The following ENTREP2 variants were observed in gnomAD, a reference collection of about 807,000 sequenced individuals.
ENTREP2 encodes protein ENTREP2.
the ENTREP2 span, among the ~76,000 whole-genome samples, chr15:29,660,311 T>C: frequency 6.6e-6 from 1 of 152,190 alleles, no homozygotes; most frequent in Non-Finnish European, 1.5e-5. Flanking sequence ...GGGCTCCTTT[T>C]TCTAACTGAA....
At chr15:29,342,647 A>G in the ENTREP2 span, among the ~76,000 whole-genome samples, 2 of 152,162 alleles carry the variant, frequency 1.3e-5, no homozygotes, top group Non-Finnish European at 2.9e-5. Flanking sequence ...GTGAAAGATT[A>G]TGTTCTCCAG....
the ENTREP2 span, among the ~76,000 whole-genome samples, chr15:29,346,937 G>A: frequency 6.6e-6 from 1 of 152,140 alleles, no homozygotes; most frequent in Non-Finnish European, 1.5e-5. Context: ...GGCATAAATT[G>A]GAATTTTAAG....
chr15:29,322,144 CTT>C, the ENTREP2 span, among the ~76,000 whole-genome samples: 4 of 151,886 alleles, frequency 2.6e-5, no homozygotes, highest in African/African-American at 9.7e-5. Context: ...TGAATATAAA[CTT>C]ATTTTTTAAT....
chr15:29,527,318 C>A, the ENTREP2 span, among the ~76,000 whole-genome samples: 1 of 152,122 alleles, frequency 6.6e-6, no homozygotes, highest in Non-Finnish European at 1.5e-5. Flanking sequence ...AAGTAGATGT[C>A]CCATTAAAAA....
At chr15:29,222,512 T>A in the ENTREP2 span, among the ~76,000 whole-genome samples, 4 of 152,178 alleles carry the variant, frequency 2.6e-5, no homozygotes, top group Non-Finnish European at 5.9e-5. Flanking sequence ...GGGGTCTGGA[T>A]TGGGACCCCT....
At chr15:29,124,819 G>A in the ENTREP2 span, 1 of 1,454,926 alleles carries the variant, frequency 6.9e-7, no homozygotes, top group Non-Finnish European at 9.4e-7. Flanking sequence ...TCCTGAGAAA[G>A]CTATCATAAC....
the ENTREP2 span, among the ~76,000 whole-genome samples, chr15:29,153,727 T>C: frequency 6.6e-6 from 1 of 152,232 alleles, no homozygotes; most frequent in Non-Finnish European, 1.5e-5. Flanking sequence ...GTCTAAAACT[T>C]TGTCAAGCCC....
the ENTREP2 span, among the ~76,000 whole-genome samples, chr15:29,153,760 A>AT: frequency 6.6e-6 from 1 of 152,012 alleles, no homozygotes; most frequent in Non-Finnish European, 1.5e-5. Flanking sequence ...AGTTTCTCCC[A>AT]TTTTTTTCTG....
At chr15:29,244,212 T>C in the ENTREP2 span, among the ~76,000 whole-genome samples, 1 of 152,204 alleles carries the variant, frequency 6.6e-6, no homozygotes, top group Non-Finnish European at 1.5e-5. Context: ...TCAGAGATGT[T>C]AAAAGGATGG....
At chr15:29,603,517 G>A in the ENTREP2 span, among the ~76,000 whole-genome samples, 1 of 152,118 alleles carries the variant, frequency 6.6e-6, no homozygotes, top group South Asian at 2.1e-4. Context: ...TCTCCCACAG[G>A]GCCTGGGTGT....
At chr15:29,381,722 T>C in the ENTREP2 span, 1 of 1,468,818 alleles carries the variant, frequency 6.8e-7, no homozygotes, top group South Asian at 1.2e-5. Context: ...TGCTCACGCA[T>C]CTGAAGGTGG....
At chr15:29,424,723 C>T in the ENTREP2 span, among the ~76,000 whole-genome samples, 1 of 152,214 alleles carries the variant, frequency 6.6e-6, no homozygotes, top group Non-Finnish European at 1.5e-5. Flanking sequence ...CCCAGGAATC[C>T]TCAAGCTCAC....
At chr15:29,230,816 A>G in the ENTREP2 span, among the ~76,000 whole-genome samples, 1 of 152,206 alleles carries the variant, frequency 6.6e-6, no homozygotes, top group Admixed American at 6.5e-5. Flanking sequence ...CAAGTCATGT[A>G]GGGTTTGTAA....
At chr15:29,600,919 A>C in the ENTREP2 span, among the ~76,000 whole-genome samples, 1 of 54,022 alleles carries the variant, frequency 1.9e-5, no homozygotes. Context: ...TTTTTTTGAG[A>C]CAGAGTCTCG....
the ENTREP2 span, chr15:29,235,186 A>T: frequency 1.5e-6 from 1 of 668,776 alleles, no homozygotes; most frequent in Non-Finnish European, 2.7e-6. Flanking sequence ...GAATCTTTTC[A>T]AAGTGTCATA....
the ENTREP2 span, among the ~76,000 whole-genome samples, chr15:29,341,838 G>A: frequency 1.4e-3 from 209 of 152,244 alleles, 2 homozygotes; most frequent in Non-Finnish European, 1.3e-3. Context: ...GGCCCGTGGC[G>A]CTGGACTACA....
At chr15:29,198,481 A>G in the ENTREP2 span, among the ~76,000 whole-genome samples, 1 of 152,232 alleles carries the variant, frequency 6.6e-6, no homozygotes, top group African/African-American at 2.4e-5. Flanking sequence ...ATGCTTGCTA[A>G]TGTTGGACTT....
At chr15:29,301,606 C>T in the ENTREP2 span, among the ~76,000 whole-genome samples, 3 of 152,082 alleles carry the variant, frequency 2.0e-5, no homozygotes, top group Admixed American at 6.6e-5. Context: ...CATGGTTGTA[C>T]GTTCAATGAT....
chr15:29,258,019 G>A, the ENTREP2 span, among the ~76,000 whole-genome samples: 174 of 152,084 alleles, frequency 1.1e-3, 6 homozygotes, highest in East Asian at 0.031. Context: ...AGACCATCCT[G>A]GCTAACACGG....
Sources: gnomAD v4.1 joint callset for allele counts (sites outside exome capture counted in the v4.1 genomes callset) on GRCh38, gnomAD v4.1.1 for gene constraint, MANE v1.5 for transcripts, NCBI Gene and HGNC (gene_info 2026-07-23, HGNC 2026-07-21) for gene names.